Variants in KIAA0825 observed in about 807,000 individuals in gnomAD.
The protein encoded by KIAA0825 is uncharacterized protein KIAA0825.
In KIAA0825, 119 loss-of-function variants were observed where a neutral mutation model predicts 147.6. The ratio of observed to expected loss-of-function variants is 0.81; its 90% CI spans 0.69 to 0.94. The LOEUF is 0.94. Among genes scored for constraint, KIAA0825 ranks in the 40% least tolerant of loss-of-function variants. The pLI, the probability that KIAA0825 is intolerant of heterozygous loss-of-function variation, is 0.00. For synonymous variants in KIAA0825, 470 were observed against 518.1 expected (o/e 0.91, Z 1.26); for missense variants, 1,381 against 1,472.7 (o/e 0.94, Z 1.02).
chr5:94,248,179 T>C (rs952965546), intron 20 of KIAA0825, among the ~76,000 whole-genome samples: 1 of 152,240 alleles, frequency 6.6e-6, no homozygotes, highest in Middle Eastern at 3.4e-3. Context: ...AAGAAGCTAC[T>C]TGACAATGAT....
At chr5:94,231,598 A>T (rs975416357) in intron 20 of KIAA0825, among the ~76,000 whole-genome samples, 9 of 152,078 alleles carry the variant, frequency 5.9e-5, no homozygotes, top group African/African-American at 2.2e-4. Context: ...CTATCTGGAA[A>T]ATTGCTTTCT....
chr5:94,234,544 T>C (rs540827199), intron 20 of KIAA0825, among the ~76,000 whole-genome samples: 2 of 152,328 alleles, frequency 1.3e-5, no homozygotes, highest in South Asian at 4.1e-4. Flanking sequence ...CTCATGGTGC[T>C]GCAGGCTTTA....
intron 20 of KIAA0825, among the ~76,000 whole-genome samples, chr5:94,155,122 C>G (rs2149901799): frequency 6.6e-6 from 1 of 152,260 alleles, no homozygotes; most frequent in Admixed American, 6.5e-5. Flanking sequence ...ATCCAAACTC[C>G]CAGACAACAA....
intron 1 of KIAA0825, among the ~76,000 whole-genome samples, chr5:94,587,434 C>T (rs1783517196): frequency 6.6e-6 from 1 of 151,990 alleles, no homozygotes; most frequent in African/African-American, 2.4e-5. Flanking sequence ...GAGTGAAATC[C>T]CATTCACAAT....
At chr5:94,475,003 C>T (rs1350010682) in intron 7 of KIAA0825, among the ~76,000 whole-genome samples, 2 of 151,776 alleles carry the variant, frequency 1.3e-5, no homozygotes, top group South Asian at 2.1e-4. Flanking sequence ...GCAGGAGAAT[C>T]GCTGGAACCT....
chr5:94,421,592 T>C (rs308211), intron 14 of KIAA0825, among the ~76,000 whole-genome samples: 36,978 of 152,116 alleles, frequency 0.24, 4,847 homozygotes, highest in Middle Eastern at 0.32. Flanking sequence ...TCAAAATGAA[T>C]TGAATGCTCA....
At chr5:94,304,733 A>G (rs187807924) in intron 20 of KIAA0825, among the ~76,000 whole-genome samples, 189 of 152,166 alleles carry the variant, frequency 1.2e-3, no homozygotes, top group Non-Finnish European at 2.1e-3. Flanking sequence ...GTATATTTGA[A>G]TACTAAATTA....
chr5:94,576,181 T>C (rs1331595154), intron 2 of KIAA0825, among the ~76,000 whole-genome samples: 1 of 152,182 alleles, frequency 6.6e-6, no homozygotes, highest in Non-Finnish European at 1.5e-5. Context: ...TATTTTTCAA[T>C]CTTTAAAAAA....
At chr5:94,533,356 A>C (rs1329465114) in intron 3 of KIAA0825, among the ~76,000 whole-genome samples, 2 of 143,116 alleles carry the variant, frequency 1.4e-5, no homozygotes, top group Non-Finnish European at 3.0e-5. Context: ...GGCTCACTGC[A>C]ACCACTGCCT....
At chr5:94,487,987 C>T (rs1389812248) in intron 5 of KIAA0825, among the ~76,000 whole-genome samples, 1 of 151,964 alleles carries the variant, frequency 6.6e-6, no homozygotes, top group Non-Finnish European at 1.5e-5. Flanking sequence ...AAAATGGCTC[C>T]ATCTCGGCTC....
At chr5:94,412,525 C>T (rs555426363) in intron 15 of KIAA0825, among the ~76,000 whole-genome samples, 5 of 151,560 alleles carry the variant, frequency 3.3e-5, no homozygotes, top group Admixed American at 2.6e-4. Flanking sequence ...CTCAGGCTCC[C>T]GAGTAGCTGG....
intron 20 of KIAA0825, among the ~76,000 whole-genome samples, chr5:94,371,940 G>A (rs1746772737): frequency 6.6e-6 from 1 of 152,140 alleles, no homozygotes; most frequent in South Asian, 2.1e-4. Flanking sequence ...ATACAATGGG[G>A]GTACAGGCAT....
At chr5:94,592,337 G>A (rs768548854) in intron 1 of KIAA0825, among the ~76,000 whole-genome samples, 64 of 152,300 alleles carry the variant, frequency 4.2e-4, no homozygotes, top group Admixed American at 1.7e-3. Flanking sequence ...CAAGCCCCAT[G>A]CAAGTCCAAA....
chr5:94,176,554 G>A (rs1384113075), intron 20 of KIAA0825, among the ~76,000 whole-genome samples: 1 of 151,996 alleles, frequency 6.6e-6, no homozygotes, highest in Admixed American at 6.6e-5. Flanking sequence ...TTATAAACAA[G>A]GTCTTTACTA....
intron 20 of KIAA0825, among the ~76,000 whole-genome samples, chr5:94,247,513 G>A (rs184065706): frequency 6.6e-6 from 1 of 152,064 alleles, no homozygotes. Flanking sequence ...CAGCTTAGAT[G>A]TCAGGAAGAT....
chr5:94,566,352 C>A (rs1778711339), intron 2 of KIAA0825, among the ~76,000 whole-genome samples: 1 of 152,018 alleles, frequency 6.6e-6, no homozygotes, highest in Admixed American at 6.6e-5. Flanking sequence ...GATTAAAAAG[C>A]AGGTACCAAA....
chr5:94,422,518 C>T (rs188946446), intron 14 of KIAA0825, among the ~76,000 whole-genome samples: 8 of 152,224 alleles, frequency 5.3e-5, no homozygotes, highest in Non-Finnish European at 8.8e-5. Flanking sequence ...CATTAGTATG[C>T]TTTTTTCTAG....
intron 20 of KIAA0825, among the ~76,000 whole-genome samples, chr5:94,184,927 A>G (rs547412999): frequency 6.6e-6 from 1 of 152,190 alleles, no homozygotes; most frequent in Non-Finnish European, 1.5e-5. Context: ...ATTGTATAAC[A>G]AGCCACCCCA....
At chr5:94,574,706 T>A (rs184203571) in intron 2 of KIAA0825, among the ~76,000 whole-genome samples, 15 of 152,092 alleles carry the variant, frequency 9.9e-5, no homozygotes, top group African/African-American at 3.6e-4. Flanking sequence ...ATGTCTTCAT[T>A]TTTTTTAAAT....
Sources: allele counts gnomAD v4.1 joint callset (sites outside exome capture counted in the v4.1 genomes callset), GRCh38; gene constraint gnomAD v4.1.1; transcripts MANE v1.5; gene names NCBI Gene and HGNC (gene_info 2026-07-23, HGNC 2026-07-21).